DLGAP2: variants seen among roughly 807,000 people sequenced by gnomAD.
DLGAP2 encodes DLG associated protein 2, also known as disks large-associated protein 2.
DLGAP2 carries 26 observed loss-of-function variants against 100.3 expected under a neutral mutation model. The ratio of observed to expected loss-of-function variants is 0.26; its 90% CI spans 0.19 to 0.36. DLGAP2 has a LOEUF of 0.36. Among genes scored for constraint, DLGAP2 ranks in the 10% least tolerant of loss-of-function variants. The pLI is 1.00. For missense variants in DLGAP2, 1,858 were observed against 1,453.2 expected (o/e 1.28, Z -4.53); for synonymous variants, 886 against 630.1 (o/e 1.41, Z -6.08).
intron 2 of DLGAP2, among the ~76,000 whole-genome samples, chr8:1,207,286 A>G (rs1353050964): frequency 7.9e-5 from 12 of 152,244 alleles, no homozygotes; most frequent in East Asian, 1.9e-4. Flanking sequence ...ACGCCGTTGC[A>G]TCCACATAGC....
chr8:1,627,513 G>C (rs748326156), intron 7 of DLGAP2, among the ~76,000 whole-genome samples: 1 of 152,246 alleles, frequency 6.6e-6, no homozygotes, highest in Non-Finnish European at 1.5e-5. Flanking sequence ...AAATCGGCAA[G>C]TGTCCTTCAG....
intron 8 of DLGAP2, among the ~76,000 whole-genome samples, chr8:1,636,759 G>A (rs1005062810): frequency 1.3e-5 from 2 of 152,168 alleles, no homozygotes; most frequent in African/African-American, 2.4e-5. Context: ...TCGAGTTACT[G>A]TGTAACTGAT....
At chr8:1,189,371 C>G (rs1381768948) in intron 2 of DLGAP2, among the ~76,000 whole-genome samples, 4 of 152,174 alleles carry the variant, frequency 2.6e-5, no homozygotes, top group Non-Finnish European at 4.4e-5. Context: ...CAACCTGGTC[C>G]CTAAATAACA....
At position 1,521,208 on chromosome 8, in the gene DLGAP2, G is replaced by A. The variant is rs1346495119; in HGVS notation, c.172+19777G>A. Among the ~76,000 whole-genome samples, 4 of 83,668 alleles carry A rather than the reference G, an allele frequency of 4.8e-5. 1 individual carries two copies. Among genetic ancestry groups the A allele is most frequent in the African/African-American group, 7.9e-5 (2 of 25,166 alleles). 54.9% of individuals were successfully genotyped at this position (83,668 alleles called of 152,430 possible). A position where few individuals can be genotyped will look rare whatever the true frequency, so the allele number is the denominator to read the frequency against. On this transcript the variant is annotated intron_variant, in intron 4 of 14. Transcript: ENST00000637795. ...ACACTTGTTTTAATTTGGAATACTC[G>A]GGGGCAGGTGATATGGGGCATCTCT...
intron 2 of DLGAP2, among the ~76,000 whole-genome samples, chr8:1,246,239 C>T (rs574994921): frequency 6.6e-6 from 1 of 152,176 alleles, no homozygotes; most frequent in Non-Finnish European, 1.5e-5. Flanking sequence ...GGTGAGAACG[C>T]AACCACAAAA....
intron 2 of DLGAP2, among the ~76,000 whole-genome samples, chr8:1,013,706 GT>G (rs1801372899): frequency 1.5e-5 from 1 of 67,332 alleles, no homozygotes; most frequent in Non-Finnish European, 2.5e-5. Flanking sequence ...TCCATTGTGT[GT>G]ATGACCAGGA....
intron 1 of DLGAP2, among the ~76,000 whole-genome samples, chr8:782,152 A>G (rs1821707288): frequency 6.6e-6 from 1 of 152,158 alleles, no homozygotes; most frequent in Non-Finnish European, 1.5e-5. Flanking sequence ...ATATGAATGT[A>G]ACAAATTATT....
intron 3 of DLGAP2, among the ~76,000 whole-genome samples, chr8:1,358,553 G>C (rs1351086277): frequency 1.3e-5 from 2 of 152,138 alleles, no homozygotes; most frequent in East Asian, 1.9e-4. Flanking sequence ...TCACGCTGGA[G>C]ACCTCAAATC....
intron 1 of DLGAP2, among the ~76,000 whole-genome samples, chr8:803,224 C>T (rs918695828): frequency 5.3e-5 from 8 of 152,198 alleles, no homozygotes; most frequent in African/African-American, 1.9e-4. Flanking sequence ...TCCCCACAAA[C>T]CTCTCCATGT....
At chr8:1,435,965 C>G (rs182655991) in intron 3 of DLGAP2, among the ~76,000 whole-genome samples, 1 of 152,094 alleles carries the variant, frequency 6.6e-6, no homozygotes, top group Non-Finnish European at 1.5e-5. Context: ...CTGTACAATG[C>G]ATTTGTGTTT....
chr8:876,196 T>C (rs1172244916), intron 1 of DLGAP2, among the ~76,000 whole-genome samples: 1 of 152,224 alleles, frequency 6.6e-6, no homozygotes, highest in African/African-American at 2.4e-5. Flanking sequence ...ATACAGTCTT[T>C]TATAATTATG....
intron 8 of DLGAP2, among the ~76,000 whole-genome samples, chr8:1,661,066 A>G (rs1798398810): frequency 6.6e-6 from 1 of 152,204 alleles, no homozygotes; most frequent in Non-Finnish European, 1.5e-5. Context: ...AAATCCATGT[A>G]AAGACAGCAG....
chr8:885,819 T>A (rs543043813), intron 1 of DLGAP2, among the ~76,000 whole-genome samples: 3 of 152,248 alleles, frequency 2.0e-5, no homozygotes, highest in African/African-American at 7.2e-5. Flanking sequence ...ATTGAGAGTG[T>A]TTAACAATCA....
chr8:1,293,558 T>C (rs1800106271), intron 3 of DLGAP2, among the ~76,000 whole-genome samples: 1 of 152,202 alleles, frequency 6.6e-6, no homozygotes, highest in South Asian at 2.1e-4. Flanking sequence ...TGAAATAACC[T>C]ACGTATTTCT....
intron 2 of DLGAP2, among the ~76,000 whole-genome samples, chr8:1,160,116 C>G (rs556616963): frequency 1.4e-4 from 21 of 152,328 alleles, no homozygotes; most frequent in Middle Eastern, 3.4e-3. Context: ...CGCCGCGGCC[C>G]GTGGGTTCGG....
At chr8:1,490,267 A>T (rs1293359670) in intron 3 of DLGAP2, among the ~76,000 whole-genome samples, 1 of 152,226 alleles carries the variant, frequency 6.6e-6, no homozygotes, top group Non-Finnish European at 1.5e-5. Context: ...AACAAGTGTC[A>T]GCAATAATTA....
At chr8:1,166,312 G>T (rs1346644267) in intron 2 of DLGAP2, among the ~76,000 whole-genome samples, 2 of 152,172 alleles carry the variant, frequency 1.3e-5, no homozygotes, top group East Asian at 3.9e-4. Flanking sequence ...TTATTCCCGA[G>T]GCCCCGGCCT....
At chr8:1,509,849 C>T (rs768199590) in intron 4 of DLGAP2, among the ~76,000 whole-genome samples, 7 of 152,206 alleles carry the variant, frequency 4.6e-5, no homozygotes, top group East Asian at 1.9e-4. Context: ...CATCATTGCT[C>T]ATACGCTGTG....
At chr8:1,216,027 C>CT (rs1798206235) in intron 2 of DLGAP2, among the ~76,000 whole-genome samples, 2 of 152,318 alleles carry the variant, frequency 1.3e-5, no homozygotes, top group South Asian at 4.1e-4. Context: ...TCATGCAGTG[C>CT]TTGGGAGGAG....
Sources: gnomAD v4.1 joint callset for allele counts (sites outside exome capture counted in the v4.1 genomes callset) on GRCh38, gnomAD v4.1.1 for gene constraint, MANE v1.5 for transcripts, NCBI Gene and HGNC (gene_info 2026-07-23, HGNC 2026-07-21) for gene names.